The following COMMD10 variants were observed in gnomAD, a reference collection of about 807,000 sequenced individuals.
COMMD10 encodes the protein COMM domain containing 10, also known as COMM domain-containing protein 10.
Under a neutral mutation model 28.9 loss-of-function variants are expected in COMMD10, and 33 were observed. The observed-to-expected ratio is 1.14, with a 90% CI of 0.87 to 1.53. The LOEUF is 1.53. Among genes scored for constraint, COMMD10 ranks in the 40% most tolerant of loss-of-function variants. The probability of loss-of-function intolerance (pLI) is 0.00; values close to 1 mark genes in which losing one functional copy is unlikely to be tolerated. For missense variants in COMMD10, 310 were observed against 233.4 expected (o/e 1.33, Z -2.14); for synonymous variants, 110 against 81.7 (o/e 1.35, Z -1.87).
At chr5:116,098,596 A>G (rs1374305591) in intron 4 of COMMD10, among the ~76,000 whole-genome samples, 2 of 152,218 alleles carry the variant, frequency 1.3e-5, no homozygotes, top group East Asian at 1.9e-4. Flanking sequence ...TAAAGTATAA[A>G]GGAGGATATG....
intron 5 of COMMD10, among the ~76,000 whole-genome samples, chr5:116,161,341 T>C (rs565160589): frequency 6.6e-6 from 1 of 152,326 alleles, no homozygotes; most frequent in Admixed American, 6.5e-5. Context: ...TAGTGCCGGC[T>C]GTATAATAGA....
chr5:116,208,345 G>T (rs964354307), intron 5 of COMMD10, among the ~76,000 whole-genome samples: 2 of 151,932 alleles, frequency 1.3e-5, no homozygotes, highest in Non-Finnish European at 2.9e-5. Context: ...CACCAAAAAG[G>T]CTCCTGTAAG....
chr5:116,122,124 G>T (rs1751455387), intron 4 of COMMD10, among the ~76,000 whole-genome samples: 1 of 152,090 alleles, frequency 6.6e-6, no homozygotes, highest in East Asian at 1.9e-4. Flanking sequence ...GGTCTAACAT[G>T]TAAGTCTGTA....
intron 2 of COMMD10, among the ~76,000 whole-genome samples, chr5:116,090,387 A>G (rs1750257174): frequency 6.6e-6 from 1 of 152,182 alleles, no homozygotes; most frequent in African/African-American, 2.4e-5. Context: ...AGCGGTTTGC[A>G]TTGGGAAATG....
chr5:116,129,709 G>GTATATATACTATATACTA lies in COMMD10; in HGVS notation c.400-4358_400-4357insATATATACTATATACTAT, dbSNP rs1751798869. Among the ~76,000 whole-genome samples, 7 of 3,886 alleles carry GTATATATACTATATACTA rather than the reference G, an allele frequency of 1.8e-3. 2 individuals are homozygous for GTATATATACTATATACTA. Among genetic ancestry groups the GTATATATACTATATACTA allele is most frequent in the African/African-American group, 2.8e-3 (2 of 702 alleles). 2.5% of individuals were successfully genotyped at this position (3,886 alleles called of 152,430 possible). On this transcript the variant is annotated intron_variant, in intron 4 of 6. Coordinates refer to ENST00000274458, the MANE Select transcript of COMMD10 (RefSeq NM_016144.4). ...ACTATATACTATGTAATATACATTA[G>GTATATATACTATATACTA]TGTATATATATACTATATACTATGT... is the stretch of plus-strand genomic sequence containing the variant.
chr5:116,088,552 A>G (rs1439149570), intron 2 of COMMD10, among the ~76,000 whole-genome samples: 3 of 152,206 alleles, frequency 2.0e-5, no homozygotes, highest in African/African-American at 7.2e-5. Flanking sequence ...AACATTGCGT[A>G]CAAGTCCCAT....
At chr5:116,108,502 C>T (rs1014990579) in intron 4 of COMMD10, among the ~76,000 whole-genome samples, 18 of 152,192 alleles carry the variant, frequency 1.2e-4, no homozygotes, top group East Asian at 7.7e-4. Flanking sequence ...AGGGTAAAAC[C>T]GCCTACTCAA....
chr5:116,092,776 G>C (rs956637705), intron 4 of COMMD10, 76 bp downstream of exon 4: 3 of 1,125,332 alleles, frequency 2.7e-6, no homozygotes, highest in Non-Finnish European at 3.6e-6. Context: ...AGTTTTTAAA[G>C]TGATAATATT....
intron 4 of COMMD10, among the ~76,000 whole-genome samples, chr5:116,098,961 G>C (rs1750558057): frequency 6.6e-6 from 1 of 152,198 alleles, no homozygotes. Flanking sequence ...CACCTTTTAT[G>C]TGTGGGTGAG....
intron 5 of COMMD10, among the ~76,000 whole-genome samples, chr5:116,168,242 G>T (rs1194647092): frequency 2.0e-5 from 3 of 151,170 alleles, no homozygotes; most frequent in Non-Finnish European, 2.9e-5. Context: ...GACAAAGAAG[G>T]GCATTACATA....
intron 5 of COMMD10, among the ~76,000 whole-genome samples, chr5:116,167,098 C>G (rs1029791972): frequency 1.3e-5 from 2 of 151,724 alleles, no homozygotes; most frequent in African/African-American, 4.8e-5. Context: ...AGCTAAGAAC[C>G]TTGAAAAAAG....
At chr5:116,102,742 G>A (rs1016443246) in intron 4 of COMMD10, among the ~76,000 whole-genome samples, 7 of 151,998 alleles carry the variant, frequency 4.6e-5, no homozygotes, top group African/African-American at 1.2e-4. Flanking sequence ...AGGTATACAC[G>A]TGCCATAGTG....
chr5:116,179,966 C>A (rs1395409802), intron 5 of COMMD10, among the ~76,000 whole-genome samples: 1 of 151,792 alleles, frequency 6.6e-6, no homozygotes, highest in Admixed American at 6.6e-5. Context: ...TTTCCATGGA[C>A]AGAAATAAAA....
chr5:116,132,290 C>A (rs550478654), intron 4 of COMMD10, among the ~76,000 whole-genome samples: 6 of 152,176 alleles, frequency 3.9e-5, no homozygotes, highest in African/African-American at 1.4e-4. Context: ...TTATCAGTAA[C>A]CCAGAAAAGT....
intron 4 of COMMD10, among the ~76,000 whole-genome samples, chr5:116,098,488 G>C (rs995490365): frequency 6.6e-6 from 1 of 152,158 alleles, no homozygotes; most frequent in Non-Finnish European, 1.5e-5. Flanking sequence ...ATTCCAAAAA[G>C]TGAAACTTGA....
intron 5 of COMMD10, among the ~76,000 whole-genome samples, chr5:116,138,045 C>G (rs1435807731): frequency 6.6e-6 from 1 of 151,750 alleles, no homozygotes; most frequent in Non-Finnish European, 1.5e-5. Flanking sequence ...AAATAACATT[C>G]AAAATAATTT....
At chr5:116,167,687 T>A (rs544496064) in intron 5 of COMMD10, among the ~76,000 whole-genome samples, 2 of 152,168 alleles carry the variant, frequency 1.3e-5, no homozygotes, top group East Asian at 3.9e-4. Context: ...TCAACACTCT[T>A]AAAGAAAAGA....
chr5:116,095,508 C>A (rs1204107365), intron 4 of COMMD10, among the ~76,000 whole-genome samples: 1 of 152,132 alleles, frequency 6.6e-6, no homozygotes, highest in African/African-American at 2.4e-5. Flanking sequence ...AGTCAAGGAG[C>A]ATCTGTATAT....
intron 5 of COMMD10, among the ~76,000 whole-genome samples, chr5:116,140,536 C>A (rs1355164941): frequency 6.6e-6 from 1 of 151,728 alleles, no homozygotes; most frequent in Non-Finnish European, 1.5e-5. Context: ...TTTACATTTC[C>A]ACCATCAGTG....
Sources: allele counts gnomAD v4.1 joint callset (sites outside exome capture counted in the v4.1 genomes callset), GRCh38; gene constraint gnomAD v4.1.1; transcripts MANE v1.5; gene names NCBI Gene and HGNC (gene_info 2026-07-23, HGNC 2026-07-21).